Variants in SLC26A8 observed in about 807,000 individuals in gnomAD.
The protein encoded by SLC26A8 is solute carrier family 26 member 8, also known as testis anion transporter 1.
Under a neutral mutation model 105.0 loss-of-function variants are expected in SLC26A8, and 70 were observed. The observed-to-expected ratio is 0.67, with a 90% confidence interval of 0.55 to 0.81. The LOEUF (loss-of-function observed/expected upper bound fraction) is 0.81, where lower values mean the gene tolerates loss of function less well. Among genes scored for constraint, SLC26A8 ranks in the 40% least tolerant of loss-of-function variants. The pLI, the probability that SLC26A8 is intolerant of heterozygous loss-of-function variation, is 0.00. For missense variants in SLC26A8, 998 were observed against 1,181.8 expected (o/e 0.84, Z 2.28); for synonymous variants, 415 against 438.3 (o/e 0.95, Z 0.66).
chr6:35,962,479 A>C (rs750611927), intron 12 of SLC26A8, 47 bp downstream of exon 12: 1 of 1,498,750 alleles, frequency 6.7e-7, no homozygotes, highest in Admixed American at 1.7e-5. Context: ...CCCTCTCTCC[A>C]ACCTCCCTCT....
Position 35,962,676 on chromosome 6 carries a change from A to T in SLC26A8, c.1366-55T>A, listed in dbSNP as rs1159730850. On this transcript the variant is annotated intron_variant, in intron 11 of 19. Coordinates refer to ENST00000490799, the MANE Select transcript of SLC26A8 (RefSeq NM_052961.4). ...TTTCCCTTTGGGGTGTAAAACTCAC[A>T]AATCCCCACCAAGGAATCACAAAAA... 6 of 1,543,710 alleles carry T rather than the reference A, an allele frequency of 3.9e-6. No homozygotes were observed. In the African/African-American group the frequency reaches 8.2e-5, roughly 21 times the overall value.
rs535670190 is a variant in SLC26A8, at chr6:35,998,467, A to G, written c.446-548T>C. ...CTACTCAGGAGGCTGAGACAGGAGA[A>G]TCACTTGAAGCCAGGAGGCAGAGGT... On this transcript the variant is annotated intron_variant, in intron 4 of 19. Transcript: ENST00000490799. Among the ~76,000 whole-genome samples, 3 of 152,100 alleles carry G rather than the reference A, an allele frequency of 2.0e-5. No individual in the cohort carries two copies. In the South Asian group the frequency reaches 6.2e-4, roughly 32 times the overall value.
Position 35,975,521 on chromosome 6 carries a change from G to A in SLC26A8, c.1174-33C>T, listed in dbSNP as rs183888345. On this transcript the variant is annotated intron_variant, in intron 9 of 19. Transcript: ENST00000490799. ...GAAACAGCAGATGCTTTAGGCCCCC[G>A]TTTTTGTTGAAGAATGCTGATTTTG... 607 of 1,369,134 alleles carry A rather than the reference G, an allele frequency of 4.4e-4. 2 individuals are homozygous for A. In the African/African-American group the frequency reaches 7.2e-3, roughly 16 times the overall value. 84.8% of individuals were successfully genotyped at this position (1,369,134 alleles called of 1,614,324 possible).
chr6:35,982,281 C>T, intron 7 of SLC26A8, 78 bp from the exon 8 acceptor site: 2 of 1,402,016 alleles, frequency 1.4e-6, no homozygotes, highest in Non-Finnish European at 1.0e-6. Context: ...AGCAGAGTTG[C>T]CCATTGCCTC....
intron 19 of SLC26A8, among the ~76,000 whole-genome samples, chr6:35,949,817 G>GTT (rs71540133): frequency 2.8e-5 from 4 of 143,356 alleles, no homozygotes; most frequent in Admixed American, 7.0e-5. Flanking sequence ...GTGTTTTTTT[G>GTT]TTTTTTTTTT....
Position 35,949,137 on chromosome 6 carries a change from AAAAAT to A in SLC26A8, c.2472+2021_2472+2025del, listed in dbSNP as rs1771771754. ...CCCAAAATAGTTAGCTACATAGATA[AAAAAT>A]AAAGATTAAGCCTGAGTGCAGTGGC... On this transcript the variant is annotated intron_variant, in intron 19 of 19. Coordinates refer to ENST00000490799, the MANE Select transcript of SLC26A8 (RefSeq NM_052961.4). Among the ~76,000 whole-genome samples the A allele has an allele frequency of 3.9e-5, 6 of 152,146 alleles. No individual in the cohort carries two copies. The South Asian group carries it at 1.2e-3, about 32-fold the overall frequency.
At chr6:35,987,911 C>CTTT (rs34557500) in intron 7 of SLC26A8, among the ~76,000 whole-genome samples, 4 of 132,060 alleles carry the variant, frequency 3.0e-5, no homozygotes, top group South Asian at 2.5e-4. Context: ...ACCTTTCTTT[C>CTTT]TTTTTTTTTT....
At chr6:35,979,206 G>A (rs926476576) in intron 8 of SLC26A8, among the ~76,000 whole-genome samples, 2 of 151,514 alleles carry the variant, frequency 1.3e-5, no homozygotes, top group African/African-American at 2.4e-5. Context: ...GGCCGGGCAC[G>A]GTGGCTCACG....
At chr6:36,001,730 T>G (rs1457475041) in intron 3 of SLC26A8, among the ~76,000 whole-genome samples, 2 of 152,226 alleles carry the variant, frequency 1.3e-5, no homozygotes, top group Admixed American at 1.3e-4. Context: ...ATTTTTGAAC[T>G]AAGGGCCCTG....
intron 2 of SLC26A8, among the ~76,000 whole-genome samples, chr6:36,015,201 G>C (rs372188791): frequency 2.7e-5 from 4 of 150,194 alleles, no homozygotes; most frequent in Admixed American, 2.0e-4. Flanking sequence ...TTTGCATTCC[G>C]GTCCTGGTTC....
chr6:35,958,121 A>T (rs972920042), intron 16 of SLC26A8, among the ~76,000 whole-genome samples: 1 of 152,086 alleles, frequency 6.6e-6, no homozygotes, highest in East Asian at 1.9e-4. Context: ...TCTCTCATAA[A>T]TTTCCCAGCA....
intron 1 of SLC26A8, among the ~76,000 whole-genome samples, chr6:36,020,420 T>C (rs1296096806): frequency 1.3e-5 from 2 of 152,124 alleles, no homozygotes; most frequent in Non-Finnish European, 2.9e-5. Context: ...AGTTCAAGAC[T>C]AGACTAGGCA....
Position 35,961,035 on chromosome 6 carries a change from G to A in SLC26A8, c.1526C>T (p.Ser509Leu), listed in dbSNP as rs754809213. 1 of 1,614,154 alleles carries A rather than the reference G, an allele frequency of 6.2e-7. No individual in the cohort carries two copies. The highest frequency in any genetic ancestry group is 8.5e-7 in the Non-Finnish European group (1 of 1,180,014). Residue 509 changes from serine to leucine, a missense_variant, in exon 13 of 20, where the codon TCA becomes TTA. Transcript: ENST00000490799. ...GGTGATGAAGAAAGCAGAAACTACTGAGATAATTAGTCCAATGTCCAGTCC... is the reference window on the plus strand; with the variant it reads ...GGTGATGAAGAAAGCAGAAACTACTAAGATAATTAGTCCAATGTCCAGTCC... ...FLGLDIGLII[S>L]VVSAFFITTV...
chr6:35,951,102 C>CCCCACCCCCCCCAGCCCCCCAAA, intron 19 of SLC26A8, 61 bp downstream of exon 19: 1 of 1,356,464 alleles, frequency 7.4e-7, no homozygotes, highest in Non-Finnish European at 1.0e-6. Context: ...CCACCCCTCA[C>CCCCACCCCCCCCAGCCCCCCAAA]CCATCCCCCC....
At chr6:35,989,916 T>C (rs1161281508) in intron 7 of SLC26A8, 2 of 108,278 alleles carry the variant, frequency 1.8e-5, no homozygotes, top group African/African-American at 6.3e-5. Context: ...TTTGTTTGTT[T>C]GTTTTCTTTT....
In SLC26A8 at chr6:35,959,746, C is replaced by T. The variant is rs1271013925; in HGVS notation, c.1699G>A (p.Val567Ile). Residue 567 changes from valine (V) to isoleucine (I), a missense_variant, in exon 15 of 20, where the codon GTT becomes ATT. Physicochemically the swap from Val to Ile is conservative, Grantham distance 29 (BLOSUM62 3). Coordinates refer to ENST00000490799, the MANE Select transcript of SLC26A8 (RefSeq NM_052961.4). ...QCCSSITFVN[V>I]YYLKHKLLKE... ...AACAGCTTATGCTTTAGGTAGTAAACATTTACAAATGTAATTGAGCTGCAG... is the reference window on the plus strand; with the variant it reads ...AACAGCTTATGCTTTAGGTAGTAAATATTTACAAATGTAATTGAGCTGCAG... 24 of 1,609,978 alleles carry T rather than the reference C, an allele frequency of 1.5e-5. No individual in the cohort carries two copies. The Admixed American group carries it at 2.2e-4, about 15-fold the overall frequency.
Position 35,962,996 on chromosome 6 carries a change from C to T in SLC26A8, c.1366-375G>A, listed in dbSNP as rs150336013. Among the ~76,000 whole-genome samples the T allele has an allele frequency of 8.2e-3, 1,254 of 152,194 alleles. 11 individuals carry two copies. The highest frequency in any genetic ancestry group is 0.028 in the African/African-American group (1,155 of 41,522). On this transcript the variant is annotated intron_variant, in intron 11 of 19. Transcript: ENST00000490799. ...CTCTACATTTTTCTTTGCCCTCCTC[C>T]TTAATTTGCCAAAAACACAAGGCAA...
At chr6:35,978,924 A>G (rs1365969531) in intron 8 of SLC26A8, among the ~76,000 whole-genome samples, 1 of 148,360 alleles carries the variant, frequency 6.7e-6, no homozygotes, top group African/African-American at 2.5e-5. Flanking sequence ...GGCTCACTGC[A>G]GCCTCATCCT....
At chr6:36,010,527 A>T (rs1321910779) in intron 3 of SLC26A8, among the ~76,000 whole-genome samples, 1 of 148,312 alleles carries the variant, frequency 6.7e-6, no homozygotes, top group Non-Finnish European at 1.5e-5. Context: ...ACAAATCTAT[A>T]TATGTATTCT....
Sources: gnomAD v4.1 joint callset for allele counts (sites outside exome capture counted in the v4.1 genomes callset) on GRCh38, gnomAD v4.1.1 for gene constraint, MANE v1.5 for transcripts, NCBI Gene and HGNC (gene_info 2026-07-23, HGNC 2026-07-21) for gene names.